DLGAP2: variants seen among roughly 807,000 people sequenced by gnomAD.
The protein encoded by DLGAP2 is disks large-associated protein 2.
DLGAP2 carries 26 observed loss-of-function variants against 100.3 expected under a neutral mutation model. That is an observed-to-expected ratio of 0.26 (90% CI 0.19 to 0.36). The LOEUF is 0.36. Ranked by LOEUF, DLGAP2 falls within the 10% of genes least tolerant of loss-of-function variation. The pLI is 1.00. For missense variants in DLGAP2, 1,858 were observed against 1,453.2 expected, an observed-to-expected ratio of 1.28 and a Z score of -4.53; for synonymous variants, 886 against 630.1, an observed-to-expected ratio of 1.41 and a Z score of -6.08.
chr8:1,328,955 A>G (rs1369376543), intron 3 of DLGAP2, among the ~76,000 whole-genome samples: 1 of 152,240 alleles, frequency 6.6e-6, no homozygotes, highest in Non-Finnish European at 1.5e-5. Context: ...CACTCTGAGT[A>G]GCTGTGTTAT....
At chr8:1,152,042 A>G (rs1796706785) in intron 2 of DLGAP2, among the ~76,000 whole-genome samples, 1 of 152,180 alleles carries the variant, frequency 6.6e-6, no homozygotes, top group Admixed American at 6.5e-5. Context: ...ATGTTTTCCA[A>G]ATTAGAAGAT....
intron 2 of DLGAP2, among the ~76,000 whole-genome samples, chr8:1,139,765 C>T (rs954368672): frequency 7.2e-5 from 11 of 152,188 alleles, no homozygotes; most frequent in East Asian, 1.9e-4. Flanking sequence ...GTGCCTGGCA[C>T]AGGGTTTGGG....
chr8:1,562,888 A>G (rs867849086), intron 5 of DLGAP2, among the ~76,000 whole-genome samples: 20 of 29,812 alleles, frequency 6.7e-4, no homozygotes, highest in African/African-American at 8.5e-4. Context: ...GCGCCTCGTT[A>G]CTGGGGGACT....
At chr8:1,216,542 C>G (rs989645986) in intron 2 of DLGAP2, among the ~76,000 whole-genome samples, 29 of 151,916 alleles carry the variant, frequency 1.9e-4, no homozygotes, top group Admixed American at 3.9e-4. Context: ...ACTATGTTGC[C>G]CAGGCTGGAC....
intron 3 of DLGAP2, among the ~76,000 whole-genome samples, chr8:1,442,379 C>T (rs1797859941): frequency 6.6e-6 from 1 of 150,748 alleles, no homozygotes; most frequent in Non-Finnish European, 1.5e-5. Flanking sequence ...TGGGTTCAGC[C>T]ACTGGAGGAG....
At chr8:1,655,603 CAT>C (rs35638907) in intron 8 of DLGAP2, among the ~76,000 whole-genome samples, 30,987 of 152,216 alleles carry the variant, frequency 0.2, 3,252 homozygotes, top group South Asian at 0.36. Context: ...GATAATTAAA[CAT>C]GTGTTTAAAG....
chr8:960,805 A>G (rs1360276402), intron 2 of DLGAP2, among the ~76,000 whole-genome samples: 1 of 152,328 alleles, frequency 6.6e-6, no homozygotes. Context: ...GCCCATGGTA[A>G]AGTTGAAACA....
intron 4 of DLGAP2, among the ~76,000 whole-genome samples, chr8:1,546,763 G>A (rs1180733949): frequency 6.6e-6 from 1 of 152,148 alleles, no homozygotes; most frequent in South Asian, 2.1e-4. Context: ...ACTGCAAGCA[G>A]GGGTGCATCT....
chr8:867,271 C>G (rs1383521803), intron 1 of DLGAP2, among the ~76,000 whole-genome samples: 1 of 152,164 alleles, frequency 6.6e-6, no homozygotes, highest in Non-Finnish European at 1.5e-5. Flanking sequence ...CTTTTTGCAG[C>G]TTTATGTTGG....
chr8:806,442 T>C (rs996816067), intron 1 of DLGAP2, among the ~76,000 whole-genome samples: 1 of 152,122 alleles, frequency 6.6e-6, no homozygotes, highest in Non-Finnish European at 1.5e-5. Flanking sequence ...GGGGATCCAA[T>C]GCGCACCTGG....
At chr8:1,108,719 TATA>T (rs1175571734) in intron 2 of DLGAP2, among the ~76,000 whole-genome samples, 4 of 126,046 alleles carry the variant, frequency 3.2e-5, no homozygotes, top group Admixed American at 1.7e-4. Flanking sequence ...TGCACGTGCC[TATA>T]ATGTGTGCAC....
intron 1 of DLGAP2, among the ~76,000 whole-genome samples, chr8:756,341 C>A (rs1021075815): frequency 3.3e-5 from 5 of 152,056 alleles, no homozygotes; most frequent in African/African-American, 1.2e-4. Flanking sequence ...AAGACGATGT[C>A]GTTGTGGGAC....
In DLGAP2 at chr8:1,701,505, A is replaced by G; in HGVS notation, c.*99A>G. 7.9e-7 allele frequency: 1 copy of G among 1,271,598 alleles called. No individual in the cohort carries two copies. The highest frequency in any genetic ancestry group is 1.5e-5 in the African/African-American group (1 of 66,292). 78.8% of individuals were successfully genotyped at this position (1,271,598 alleles called of 1,614,324 possible). A position where few individuals can be genotyped will look rare whatever the true frequency, so the allele number is the denominator to read the frequency against. ...GGTTTCTGTCTCCTCCTCCCGCTGA[A>G]CACGTCCTCGCTCCCGCGCTCCCCG... On this transcript the variant is annotated 3_prime_UTR_variant, in exon 15 of 15. Transcript: ENST00000637795.
intron 2 of DLGAP2, among the ~76,000 whole-genome samples, chr8:1,092,443 TC>T (rs1325154914): frequency 6.6e-5 from 10 of 152,136 alleles, no homozygotes; most frequent in African/African-American, 2.4e-4. Context: ...CTTCGCACTT[TC>T]CCCTTCCTCT....
At chr8:798,791 C>G (rs1447437641) in intron 1 of DLGAP2, among the ~76,000 whole-genome samples, 1 of 147,412 alleles carries the variant, frequency 6.8e-6, no homozygotes, top group African/African-American at 2.5e-5. Context: ...GCCCCGTGCC[C>G]TGGTGCTGGC....
intron 2 of DLGAP2, among the ~76,000 whole-genome samples, chr8:955,676 G>A (rs1027134141): frequency 1.9e-4 from 29 of 152,042 alleles, no homozygotes; most frequent in African/African-American, 6.3e-4. Context: ...TTCACTTAAT[G>A]TTCCAGATAA....
intron 3 of DLGAP2, among the ~76,000 whole-genome samples, chr8:1,280,183 G>A (rs1799788293): frequency 6.6e-6 from 1 of 152,120 alleles, no homozygotes; most frequent in South Asian, 2.1e-4. Context: ...TCATTAGCTG[G>A]TTTGGATGCC....
chr8:1,231,963 A>G (rs547101569), intron 2 of DLGAP2, among the ~76,000 whole-genome samples: 2 of 152,354 alleles, frequency 1.3e-5, no homozygotes, highest in South Asian at 4.1e-4. Context: ...TCAAAGTTGA[A>G]AAAATTAAAA....
chr8:1,592,186 C>T (rs1405795914), intron 6 of DLGAP2, among the ~76,000 whole-genome samples: 2 of 152,360 alleles, frequency 1.3e-5, no homozygotes, highest in South Asian at 2.1e-4. Context: ...GGCCGCAGCT[C>T]TCCATGGTTC....
Sources: gnomAD v4.1 joint callset for allele counts (sites outside exome capture counted in the v4.1 genomes callset) on GRCh38, gnomAD v4.1.1 for gene constraint, MANE v1.5 for transcripts, NCBI Gene and HGNC (gene_info 2026-07-23, HGNC 2026-07-21) for gene names.